The following HYDIN variants were observed in gnomAD, a reference collection of about 807,000 sequenced individuals.
HYDIN encodes the protein axonemal central pair apparatus protein HYDIN.
In HYDIN, 132 loss-of-function variants were observed where a neutral mutation model predicts 403.9. The ratio of observed to expected loss-of-function variants is 0.33; its 90% CI spans 0.28 to 0.38. The LOEUF (loss-of-function observed/expected upper bound fraction) is 0.38, where lower values mean the gene tolerates loss of function less well. HYDIN is among the 10% of genes least tolerant of loss of function. The pLI, the probability that HYDIN is intolerant of heterozygous loss-of-function variation, is 1.00. For synonymous variants in HYDIN, 1,202 were observed against 1,891.7 expected (o/e 0.64, Z 9.46); for missense variants, 2,827 against 5,009.5 (o/e 0.56, Z 13.15).
intron 1 of HYDIN, among the ~76,000 whole-genome samples, chr16:71,199,378 G>T (rs992431548): frequency 3.3e-5 from 5 of 152,142 alleles, no homozygotes; most frequent in Non-Finnish European, 5.9e-5. Flanking sequence ...AGAGATGGGG[G>T]TTCACTAGGC....
intron 62 of HYDIN, among the ~76,000 whole-genome samples, chr16:70,877,855 T>C (rs953166115): frequency 6.6e-6 from 1 of 152,002 alleles, no homozygotes; most frequent in Non-Finnish European, 1.5e-5. Flanking sequence ...TGGAATAATA[T>C]CTCCCATTTG....
rs915546050 is a variant in HYDIN, at chr16:71,230,647, A to T, written c.-109T>A. On this transcript the variant is annotated 5_prime_UTR_variant, in exon 1 of 86. Transcript: ENST00000393567. ...CAACTCACAGACCCCGCCGCCGCTG[A>T]GGGGCTCCATACCCAGCTTGAAGCC... 1 of 1,535,982 alleles carries T rather than the reference A, an allele frequency of 6.5e-7. No individual in the cohort carries two copies. Among genetic ancestry groups the T allele is most frequent in the Non-Finnish European group, 8.7e-7 (1 of 1,146,854 alleles).
intron 23 of HYDIN, among the ~76,000 whole-genome samples, chr16:70,992,784 C>T (rs530388615): frequency 6.6e-6 from 1 of 152,322 alleles, no homozygotes; most frequent in South Asian, 2.1e-4. Context: ...TGTGCTGCCA[C>T]TCAAGTTCTC....
rs779088342 is a variant in HYDIN at position 71,129,644 on chromosome 16, G to T, written c.1223C>A (p.Pro408His). The T allele has an allele frequency of 9.9e-6, 16 of 1,612,982 alleles. No individual in the cohort carries two copies. In the Admixed American group the frequency reaches 2.7e-4, roughly 27 times the overall value. ...AGCTTTTATTTATATGCTCACCAGG[G>T]GCTCCACAGTGAAAACGTTATTGAA... is the stretch of plus-strand genomic sequence containing the variant. The part of the protein sequence containing the change: ...LFFNNVFTVE[P>H]LEGDVWPNSS... The change falls in exon 9 of 86, where the codon CCC becomes CAC. Residue 408 changes from proline to histidine, a missense_variant. Transcript: ENST00000393567.
chr16:71,037,204 T>C (rs1395604322), intron 18 of HYDIN, among the ~76,000 whole-genome samples: 1 of 143,290 alleles, frequency 7.0e-6, no homozygotes, highest in African/African-American at 2.5e-5. Context: ...AGTGAGACAG[T>C]GCAGGTAAAA....
chr16:70,834,199 G>C, intron 78 of HYDIN, 35 bp from the exon 79 acceptor site: 1 of 1,605,752 alleles, frequency 6.2e-7, no homozygotes, highest in South Asian at 1.1e-5. Flanking sequence ...AGCAGCTGAG[G>C]GTGGGAGGCC....
At chr16:70,955,211 T>G (rs1348075944) in intron 40 of HYDIN, among the ~76,000 whole-genome samples, 164 bp downstream of exon 40, 1 of 151,738 alleles carries the variant, frequency 6.6e-6, no homozygotes, top group Non-Finnish European at 1.5e-5. Flanking sequence ...CAGGAATGCT[T>G]CGTGAAGAGA....
At chr16:71,177,297 G>C (rs917906053) in intron 4 of HYDIN, among the ~76,000 whole-genome samples, 1 of 152,174 alleles carries the variant, frequency 6.6e-6, no homozygotes, top group Non-Finnish European at 1.5e-5. Flanking sequence ...AAATACCTCA[G>C]CAAGAGTCAA....
chr16:71,183,506 C>CT (rs1567420960), intron 3 of HYDIN, among the ~76,000 whole-genome samples: 1 of 152,060 alleles, frequency 6.6e-6, no homozygotes, highest in African/African-American at 2.4e-5. Flanking sequence ...AACAAACAAT[C>CT]TTTGGGCACA....
rs115567308 is a variant in HYDIN, at chr16:71,218,069, C to T, written c.-24+12493G>A. 8.5e-3 allele frequency among the ~76,000 whole-genome samples: 1,293 copies of T among 152,174 alleles called. 18 individuals carry two copies. Among genetic ancestry groups the T allele is most frequent in the African/African-American group, 0.03 (1,229 of 41,516 alleles). On this transcript the variant is annotated intron_variant, in intron 1 of 85. Transcript: ENST00000393567. ...AAATGATTTTTTCATAAACAAACATCTCATCATTAGTTTTCTGAATAAGAA... is the reference window on the plus strand; with the variant it reads ...AAATGATTTTTTCATAAACAAACATTTCATCATTAGTTTTCTGAATAAGAA...
intron 10 of HYDIN, among the ~76,000 whole-genome samples, chr16:71,105,364 C>T (rs982580912): frequency 3.3e-5 from 5 of 149,348 alleles, no homozygotes; most frequent in Non-Finnish European, 6.0e-5. Flanking sequence ...AAGAGGAAAA[C>T]AACATTGGAG....
chr16:71,126,018 C>T (rs10852494), intron 9 of HYDIN, among the ~76,000 whole-genome samples: 1 of 151,964 alleles, frequency 6.6e-6, no homozygotes, highest in Non-Finnish European at 1.5e-5. Context: ...TCTGTGGTCA[C>T]AGGGAAATGC....
intron 16 of HYDIN, 146 bp downstream of exon 16, chr16:71,064,559 C>T (rs1252125604): frequency 1.1e-5 from 8 of 707,140 alleles, no homozygotes; most frequent in Middle Eastern, 4.1e-4. Context: ...CTTTATAACC[C>T]GATCCTTAGA....
At chr16:71,182,731 T>C (rs981481141) in intron 3 of HYDIN, among the ~76,000 whole-genome samples, 2 of 152,080 alleles carry the variant, frequency 1.3e-5, no homozygotes, top group Non-Finnish European at 2.9e-5. Context: ...GAGATATAAA[T>C]ATAAAAGTAA....
Position 71,062,264 on chromosome 16 carries a change from T to A in HYDIN, c.2281A>T (p.Thr761Ser), listed in dbSNP as rs200347208. 7.2e-4 allele frequency: 1,099 copies of A among 1,528,792 alleles called. 3 individuals are homozygous for A. The highest frequency in any genetic ancestry group is 2.6e-3 in the South Asian group (224 of 85,066). 94.7% of individuals were successfully genotyped at this position (1,528,792 alleles called of 1,614,324 possible). ...TPSGVISPSS[T>S]IHIPLVLETQ... is the part of the protein sequence containing the mutation. ...TCCAGGACCAGTGGTATGTGGATGG[T>A]GCTGCTTGGGGAGATGACCCCGCTG... Residue 761 changes from threonine to serine, a missense_variant, in exon 17 of 86, where the codon ACC becomes TCC. By Grantham distance (58) the Thr-to-Ser change is moderately conservative. Transcript: ENST00000393567.
At chr16:71,075,864 A>C (rs2082612825) in intron 13 of HYDIN, 1 of 227,808 alleles carries the variant, frequency 4.4e-6, no homozygotes, top group Non-Finnish European at 9.5e-6. Context: ...TCTTGTTGGG[A>C]GTCTCAGAGC....
At position 70,949,240 on chromosome 16, in the gene HYDIN, T is replaced by C. The variant is rs1320369492; in HGVS notation, c.6531+3181A>G. ...AACAAACACCGCATATTCTCACTCA[T>C]AGGTGGGAATTGAACAATGAAAACA... On this transcript the variant is annotated intron_variant, in intron 41 of 85. Transcript: ENST00000393567. Among the ~76,000 whole-genome samples, 15 of 138,938 alleles carry C rather than the reference T, an allele frequency of 1.1e-4. No individual in the cohort carries two copies. The Admixed American group carries it at 1.2e-3, about 11-fold the overall frequency. 91.1% of individuals were successfully genotyped at this position (138,938 alleles called of 152,430 possible).
chr16:71,067,020 C>T, intron 15 of HYDIN: 1 of 658,658 alleles, frequency 1.5e-6, no homozygotes, highest in South Asian at 1.7e-5. Flanking sequence ...AAAGTCAAAC[C>T]CGTTAGAGAG....
rs1161807278 is a variant in HYDIN at position 71,062,293 on chromosome 16, G to A, written c.2252C>T (p.Thr751Ile). The A allele has an allele frequency of 1.9e-6, 3 of 1,578,916 alleles. No individual in the cohort carries two copies. The highest frequency in any genetic ancestry group is 2.3e-5 in the South Asian group (2 of 86,290). The change falls in exon 17 of 86, where the codon ACC becomes ATC. Residue 751 changes from threonine (T) to isoleucine (I), a missense_variant. Coordinates refer to ENST00000393567, the MANE Select transcript of HYDIN (RefSeq NM_001270974.2). The stretch of plus-strand genomic sequence containing the variant: ...GCTTGGGGAGATGACCCCGCTGGGG[G>A]TGGGGCTGGAAAACAGCACAGTAGG... The part of the protein sequence containing the change: ...EVPTVLFSSP[T>I]PSGVISPSST...
Sources: allele counts gnomAD v4.1 joint callset (sites outside exome capture counted in the v4.1 genomes callset), GRCh38; gene constraint gnomAD v4.1.1; transcripts MANE v1.5; gene names NCBI Gene and HGNC (gene_info 2026-07-23, HGNC 2026-07-21).